The following NPR3 variants were observed in gnomAD, a reference collection of about 807,000 sequenced individuals.
The protein encoded by NPR3 is natriuretic peptide receptor 3.
A neutral mutation model predicts 54.5 loss-of-function variants in NPR3; 34 were observed. The observed-to-expected ratio is 0.62, with a 90% CI of 0.47 to 0.83. The LOEUF is 0.83. NPR3 is among the 40% of genes least tolerant of loss of function. NPR3 has a pLI of 0.00. For synonymous variants in NPR3, 289 were observed against 297.1 expected (o/e 0.97, Z 0.28); for missense variants, 674 against 720.8 (o/e 0.94, Z 0.74).
intron 3 of NPR3, among the ~76,000 whole-genome samples, chr5:32,739,490 C>T (rs1302381241): frequency 1.3e-5 from 2 of 152,176 alleles, no homozygotes; most frequent in African/African-American, 4.8e-5. Flanking sequence ...CCTGGCTTAG[C>T]GTTCTGGCTA....
upstream of NPR3, chr5:32,710,358 G>A (rs1480807667): frequency 1.1e-5 from 2 of 182,778 alleles, no homozygotes; most frequent in African/African-American, 4.7e-5. Flanking sequence ...AACGTTTTGG[G>A]AAAGACAGTC....
chr5:32,703,006 T>C (rs1737870981), intron 1 of NPR3, among the ~76,000 whole-genome samples: 1 of 152,238 alleles, frequency 6.6e-6, no homozygotes, highest in African/African-American at 2.4e-5. Context: ...ATTTCTCTGA[T>C]GGCCAGTGAT....
At chr5:32,772,308 A>G (rs544555608) in intron 3 of NPR3, among the ~76,000 whole-genome samples, 16 of 152,310 alleles carry the variant, frequency 1.1e-4, no homozygotes, top group African/African-American at 3.6e-4. Context: ...CTCTGAAGTG[A>G]GATGGTACTA....
intron 3 of NPR3, among the ~76,000 whole-genome samples, chr5:32,746,936 A>G (rs1740330772): frequency 6.6e-6 from 1 of 152,192 alleles, no homozygotes; most frequent in African/African-American, 2.4e-5. Context: ...ATAATACACA[A>G]CTTTCTAGAT....
chr5:32,742,177 T>C (rs1221774352), intron 3 of NPR3, among the ~76,000 whole-genome samples: 1 of 152,164 alleles, frequency 6.6e-6, no homozygotes, highest in Non-Finnish European at 1.5e-5. Context: ...CTCTTCGTTC[T>C]CTGCTATCCG....
At chr5:32,755,188 A>T (rs560004609) in intron 3 of NPR3, among the ~76,000 whole-genome samples, 7 of 152,288 alleles carry the variant, frequency 4.6e-5, no homozygotes, top group African/African-American at 1.7e-4. Context: ...GTTAGTCAAC[A>T]ATTCTGTGTG....
chr5:32,708,817 T>C (rs974434507), upstream of NPR3, among the ~76,000 whole-genome samples: 3 of 152,226 alleles, frequency 2.0e-5, no homozygotes, highest in South Asian at 2.1e-4. Flanking sequence ...ATCTTGTGAC[T>C]CTTTTCATTT....
intron 3 of NPR3, among the ~76,000 whole-genome samples, chr5:32,741,067 T>TTTTTTTTTTTTTTTTTTTTTGAG (rs1264873411): frequency 1.3e-5 from 2 of 151,458 alleles, no homozygotes; most frequent in East Asian, 1.9e-4. Context: ...ATATTAATTT[T>TTTTTTTTTTTTTTTTTTTTTGAG]ATGGTTTAAA....
Position 32,725,112 on chromosome 5 carries a change from G to A in NPR3, c.892+292G>A, listed in dbSNP as rs546182093. 1.2e-4 allele frequency among the ~76,000 whole-genome samples: 19 copies of A among 152,246 alleles called. No individual in the cohort carries two copies. The East Asian group carries it at 2.7e-3, about 22-fold the overall frequency. ...ATAAACATGGGAACAATAGACACTG[G>A]GGACTTCTAGGGGTGGTGGGGGTGG... On this transcript the variant is annotated intron_variant, in intron 2 of 7. Coordinates refer to ENST00000265074, the MANE Select transcript of NPR3 (RefSeq NM_001204375.2).
intron 4 of NPR3, among the ~76,000 whole-genome samples, chr5:32,779,269 T>C (rs1471091924): frequency 6.6e-6 from 1 of 152,186 alleles, no homozygotes; most frequent in East Asian, 1.9e-4. Flanking sequence ...GAAATGCCAA[T>C]TAAGAATTAC....
Position 32,757,226 on chromosome 5 carries a change from C to G in NPR3, c.1060-17482C>G, listed in dbSNP as rs185208780. On this transcript the variant is annotated intron_variant, in intron 3 of 7. Coordinates refer to ENST00000265074, the MANE Select transcript of NPR3 (RefSeq NM_001204375.2). ...GCCATTTTCACGATATTGATTCTTC[C>G]TATCCATGAGCATGGAATGTTCTTC... is the stretch of plus-strand genomic sequence containing the variant. Among the ~76,000 whole-genome samples, 570 of 152,300 alleles carry G rather than the reference C, an allele frequency of 3.7e-3. 1 individual carries two copies. The highest frequency in any genetic ancestry group is 6.7e-3 in the Non-Finnish European group (455 of 68,026).
At chr5:32,694,761 G>A (rs1212378536) in intron 1 of NPR3, among the ~76,000 whole-genome samples, 1 of 151,912 alleles carries the variant, frequency 6.6e-6, no homozygotes, top group Non-Finnish European at 1.5e-5. Context: ...GTTGACTGTA[G>A]CCACCCTGTG....
At chr5:32,783,084 T>C in intron 6 of NPR3, 56 bp downstream of exon 6, 9 of 1,520,290 alleles carry the variant, frequency 5.9e-6, no homozygotes, top group Non-Finnish European at 7.1e-6. Flanking sequence ...CTCAGTGTAA[T>C]GTAAGTTTAA....
intron 2 of NPR3, among the ~76,000 whole-genome samples, chr5:32,735,479 CA>C (rs10555665): frequency 0.08 from 10,202 of 126,904 alleles, 660 homozygotes; most frequent in African/African-American, 0.2. Flanking sequence ...AGAAAAATAC[CA>C]AAAAAAAAAA....
chr5:32,783,284 T>C (rs780036660), intron 6 of NPR3: 1 of 346,164 alleles, frequency 2.9e-6, no homozygotes, highest in Non-Finnish European at 5.2e-6. Flanking sequence ...GGCTAGGTCA[T>C]GTTTCCACTT....
intron 3 of NPR3, among the ~76,000 whole-genome samples, chr5:32,755,624 C>G (rs752868370): frequency 6.6e-6 from 1 of 152,118 alleles, no homozygotes; most frequent in Non-Finnish European, 1.5e-5. Flanking sequence ...GAACTAGAGA[C>G]GCATTAGACA....
Position 32,711,927 on chromosome 5 carries a change from C to T in NPR3, c.151C>T (p.Gln51Ter). The change falls in exon 1 of 8, where the codon CAG (glutamine) becomes TAG (stop). Residue 51 changes from glutamine (Q) to a stop codon, truncating the protein, a stop_gained. Coordinates refer to ENST00000265074, the MANE Select transcript of NPR3 (RefSeq NM_001204375.2). LOFTEE classifies it high-confidence loss of function. ...CCAGGAGAGAGAGGCGCTGCCGCCA[C>T]AGAAGATCGAGGTGCTGGTGTTACT... The part of the protein sequence containing the change: ...GRQEREALPP[Q>*]KIEVLVLLPQ... The T allele has an allele frequency of 6.6e-7, 1 of 1,510,284 alleles. No homozygotes were observed. Among genetic ancestry groups the T allele is most frequent in the Non-Finnish European group, 8.9e-7 (1 of 1,127,600 alleles). 93.6% of individuals were successfully genotyped at this position (1,510,284 alleles called of 1,614,324 possible).
intron 3 of NPR3, among the ~76,000 whole-genome samples, chr5:32,759,808 C>T: frequency 6.6e-6 from 1 of 152,158 alleles, no homozygotes; most frequent in Non-Finnish European, 1.5e-5. Context: ...CTGGTGGTGA[C>T]AAAATCTCTC....
chr5:32,719,294 C>G (rs915036792), intron 1 of NPR3, among the ~76,000 whole-genome samples: 2 of 152,098 alleles, frequency 1.3e-5, no homozygotes, highest in African/African-American at 4.8e-5. Flanking sequence ...GTGTGTTTCT[C>G]TTTTTTCATT....
Sources: gnomAD v4.1 joint callset for allele counts (sites outside exome capture counted in the v4.1 genomes callset) on GRCh38, gnomAD v4.1.1 for gene constraint, MANE v1.5 for transcripts, NCBI Gene and HGNC (gene_info 2026-07-23, HGNC 2026-07-21) for gene names.